The following AGBL1 variants were observed in gnomAD, a reference collection of about 807,000 sequenced individuals.
AGBL1 encodes the protein AGBL carboxypeptidase 1, also known as cytosolic carboxypeptidase 4.
A neutral mutation model predicts 118.9 loss-of-function variants in AGBL1; 130 were observed. The observed-to-expected ratio is 1.09, with a 90% CI of 0.95 to 1.26. The LOEUF (loss-of-function observed/expected upper bound fraction) is 1.26, where lower values mean the gene tolerates loss of function less well. Among genes scored for constraint, AGBL1 ranks in the 50% most tolerant of loss-of-function variants. The pLI, the probability that AGBL1 is intolerant of heterozygous loss-of-function variation, is 0.00. For synonymous variants in AGBL1, 555 were observed against 478.9 expected, an observed-to-expected ratio of 1.16 and a Z score of -2.08; for missense variants, 1,584 against 1,298.1, an observed-to-expected ratio of 1.22 and a Z score of -3.38.
At chr15:86,792,925 T>C (rs1596485607) in intron 22 of AGBL1, among the ~76,000 whole-genome samples, 1 of 152,110 alleles carries the variant, frequency 6.6e-6, no homozygotes, top group East Asian at 1.9e-4. Flanking sequence ...CATTGTCAAG[T>C]CAGTCCCATT....
intron 21 of AGBL1, among the ~76,000 whole-genome samples, chr15:86,648,848 C>T (rs1315243205): frequency 6.6e-6 from 1 of 152,090 alleles, no homozygotes; most frequent in Non-Finnish European, 1.5e-5. Context: ...TAAGAACTGG[C>T]TATCAGATTT....
chr15:86,574,743 A>G (rs1201228891), intron 21 of AGBL1, among the ~76,000 whole-genome samples: 1 of 151,416 alleles, frequency 6.6e-6, no homozygotes, highest in African/African-American at 2.4e-5. Context: ...ACTCCTAGCT[A>G]ATTTTTGTAT....
At chr15:86,432,944 G>A (rs952403128) in intron 18 of AGBL1, among the ~76,000 whole-genome samples, 1 of 152,194 alleles carries the variant, frequency 6.6e-6, no homozygotes, top group African/African-American at 2.4e-5. Context: ...GTTCTGGCAG[G>A]GCCTGGCTGC....
chr15:86,242,669 G>A (rs1295313869), intron 6 of AGBL1, among the ~76,000 whole-genome samples: 5 of 152,156 alleles, frequency 3.3e-5, no homozygotes, highest in Admixed American at 2.6e-4. Flanking sequence ...CTTCCAATAC[G>A]TTACTTTGCT....
intron 21 of AGBL1, among the ~76,000 whole-genome samples, chr15:86,624,469 G>C (rs1276577744): frequency 6.6e-6 from 1 of 152,194 alleles, no homozygotes; most frequent in Non-Finnish European, 1.5e-5. Flanking sequence ...CTGTCCTCCA[G>C]AAGTGTTCAA....
intron 18 of AGBL1, among the ~76,000 whole-genome samples, chr15:86,402,579 C>T (rs908175629): frequency 3.9e-5 from 6 of 152,092 alleles, no homozygotes; most frequent in African/African-American, 2.4e-5. Flanking sequence ...AAGAGACAAT[C>T]CTTGCATAAA....
chr15:86,797,036 G>A (rs1386577726), intron 22 of AGBL1, among the ~76,000 whole-genome samples: 1 of 152,174 alleles, frequency 6.6e-6, no homozygotes, highest in African/African-American at 2.4e-5. Flanking sequence ...CTATCTGGCT[G>A]TGCACTCAGA....
At chr15:86,896,408 A>T (rs997717039) in intron 22 of AGBL1, among the ~76,000 whole-genome samples, 3 of 151,996 alleles carry the variant, frequency 2.0e-5, no homozygotes, top group African/African-American at 7.2e-5. Context: ...AAAAAAAAAA[A>T]AATACCTGCA....
intron 22 of AGBL1, among the ~76,000 whole-genome samples, chr15:86,898,966 G>A (rs1480420033): frequency 6.6e-6 from 1 of 152,196 alleles, no homozygotes; most frequent in Non-Finnish European, 1.5e-5. Flanking sequence ...CAACCATTGA[G>A]GAAAATACAG....
At chr15:86,983,931 C>T (rs1233030213) in intron 23 of AGBL1, among the ~76,000 whole-genome samples, 1 of 152,198 alleles carries the variant, frequency 6.6e-6, no homozygotes, top group East Asian at 1.9e-4. Flanking sequence ...CATACCCACT[C>T]TTCTGTTGCT....
chr15:86,668,447 T>C (rs1480076974), intron 21 of AGBL1, among the ~76,000 whole-genome samples: 3 of 152,204 alleles, frequency 2.0e-5, no homozygotes, highest in Admixed American at 6.6e-5. Flanking sequence ...CTCATTTCTT[T>C]CAGAAAATAT....
chr15:86,772,364 C>T (rs150713079), intron 22 of AGBL1, among the ~76,000 whole-genome samples: 1 of 152,102 alleles, frequency 6.6e-6, no homozygotes, highest in East Asian at 1.9e-4. Context: ...TGTGGGAAAC[C>T]TATAAGAATA....
intron 21 of AGBL1, chr15:86,556,140 G>A: frequency 8.6e-7 from 1 of 1,162,216 alleles, no homozygotes; most frequent in Non-Finnish European, 1.2e-6. Context: ...CAATAAATCA[G>A]CTGGAAACTC....
Position 86,247,727 on chromosome 15 carries a change from C to A in AGBL1, c.583C>A (p.His195Asn). The A allele has an allele frequency of 1.9e-6, 3 of 1,613,708 alleles. No homozygotes were observed. Among genetic ancestry groups the A allele is most frequent in the Non-Finnish European group, 2.5e-6 (3 of 1,179,774 alleles). ...RGYVTSLLGLHQDWHSHDTAN... is the reference protein window; with the variant it reads ...RGYVTSLLGLNQDWHSHDTAN... The stretch of plus-strand genomic sequence containing the variant: ...CTACGTCACCAGCCTGCTCGGGCTG[C>A]ACCAGGACTGGCACAGCCATGACAC... Residue 195 changes from histidine (H) to asparagine (N), a missense_variant, in exon 7 of 23, where the codon CAC becomes AAC. Transcript: ENST00000614907.
At chr15:86,313,031 C>T (rs192944608) in intron 17 of AGBL1, among the ~76,000 whole-genome samples, 4 of 152,294 alleles carry the variant, frequency 2.6e-5, no homozygotes, top group Non-Finnish European at 2.9e-5. Context: ...GGGGAAGCAG[C>T]TTTCAGCTTC....
At chr15:86,981,287 T>C (rs1024817585) in intron 23 of AGBL1, among the ~76,000 whole-genome samples, 1 of 152,210 alleles carries the variant, frequency 6.6e-6, no homozygotes, top group African/African-American at 2.4e-5. Context: ...ATTTTAATAA[T>C]GTGCTTTCAG....
In AGBL1 at chr15:86,670,650, G is replaced by GTGTGTATATATATA. The variant is rs369000727; in HGVS notation, c.2995-3622_2995-3621insGTGTATATATATAT. 5.7e-5 allele frequency among the ~76,000 whole-genome samples: 8 copies of GTGTGTATATATATA among 141,138 alleles called. No individual in the cohort carries two copies. In the East Asian group the frequency reaches 1.8e-3, roughly 32 times the overall value. The allele number at this position is 141,138 out of a possible 152,430, so 92.6% of individuals were successfully genotyped here. A position where few individuals can be genotyped will look rare whatever the true frequency, so the allele number is the denominator to read the frequency against. On this transcript the variant is annotated intron_variant, in intron 21 of 22. Transcript: ENST00000614907. ...ACAAACACGCTGTGTGTGTGTGTGT[G>GTGTGTATATATATA]TATATATATATATAGCAAACTTATA...
At chr15:86,628,491 T>C (rs1251388834) in intron 21 of AGBL1, among the ~76,000 whole-genome samples, 4 of 150,054 alleles carry the variant, frequency 2.7e-5, no homozygotes, top group African/African-American at 7.5e-5. Context: ...ATTGAACTAA[T>C]TTTTTTTCTT....
intron 21 of AGBL1, among the ~76,000 whole-genome samples, chr15:86,570,178 C>T (rs75388701): frequency 0.11 from 16,569 of 152,164 alleles, 1,296 homozygotes; most frequent in African/African-American, 0.22. Flanking sequence ...ATTCTCTCTG[C>T]ATAAAATGGG....
Sources: gnomAD v4.1 joint callset for allele counts (sites outside exome capture counted in the v4.1 genomes callset) on GRCh38, gnomAD v4.1.1 for gene constraint, MANE v1.5 for transcripts, NCBI Gene and HGNC (gene_info 2026-07-23, HGNC 2026-07-21) for gene names.